The following ALG5 variants were observed in gnomAD, a reference collection of about 807,000 sequenced individuals.
The protein encoded by ALG5 is dolichyl-phosphate beta-glucosyltransferase.
In ALG5, 26 loss-of-function variants were observed where a neutral mutation model predicts 51.8. The ratio of observed to expected loss-of-function variants is 0.50; its 90% CI spans 0.37 to 0.70. The LOEUF (loss-of-function observed/expected upper bound fraction) is 0.70. Among genes scored for constraint, ALG5 ranks in the 30% least tolerant of loss-of-function variants. The pLI, the probability that ALG5 is intolerant of heterozygous loss-of-function variation, is 0.00. For synonymous variants in ALG5, 141 were observed against 136.1 expected, an observed-to-expected ratio of 1.04 and a Z score of -0.25; for missense variants, 311 against 399.3, an observed-to-expected ratio of 0.78 and a Z score of 1.88.
chr13:36,981,725 AC>A (rs1458982817), intron 6 of ALG5, among the ~76,000 whole-genome samples: 1 of 152,252 alleles, frequency 6.6e-6, no homozygotes. Context: ...TAATGTGGAA[AC>A]CAAATCCACA....
Position 36,952,572 on chromosome 13 carries a change from T to C in ALG5, c.801A>G (p.Ile267Met), listed in dbSNP as rs1313872927. The change falls in exon 9 of 10, where the codon ATA (isoleucine) becomes ATG (methionine). Residue 267 changes from isoleucine (I) to methionine (M), a missense_variant. By Grantham distance (10) the Ile-to-Met change is conservative. Transcript: ENST00000239891. Reference sequence around the variant, plus strand: ...CTATTGGAATTTTAAAGAACTGTGCTATGTACAGTAGTTCTACATCAAATG... The same window carrying C: ...CTATTGGAATTTTAAAGAACTGTGCCATGTACAGTAGTTCTACATCAAATG... ...RWAFDVELLY[I>M]AQFFKIPIAE... 2.5e-6 allele frequency: 4 copies of C among 1,592,038 alleles called. No individual in the cohort carries two copies. The highest frequency in any genetic ancestry group is 2.3e-5 in the South Asian group (2 of 86,746).
chr13:36,980,977 A>T (rs1309297091), intron 6 of ALG5, among the ~76,000 whole-genome samples: 1 of 152,080 alleles, frequency 6.6e-6, no homozygotes, highest in African/African-American at 2.4e-5. Flanking sequence ...CTGTCTCAAA[A>T]ATAAAATAAA....
chr13:36,966,041 G>C (rs915771686), intron 7 of ALG5, among the ~76,000 whole-genome samples: 2 of 152,186 alleles, frequency 1.3e-5, no homozygotes, highest in African/African-American at 4.8e-5. Flanking sequence ...AGAACGTCTT[G>C]TTTACTTACA....
chr13:36,994,886 C>T, intron 3 of ALG5, 103 bp downstream of exon 3: 1 of 965,280 alleles, frequency 1.0e-6, no homozygotes, highest in Non-Finnish European at 1.6e-6. Flanking sequence ...GATCGGGGTG[C>T]TGCCAGGACT....
At chr13:36,988,386 T>A (rs1482613660) in intron 5 of ALG5, among the ~76,000 whole-genome samples, 8 of 152,236 alleles carry the variant, frequency 5.3e-5, no homozygotes, top group Non-Finnish European at 5.9e-5. Context: ...GTTTCATATA[T>A]CCTGTGACCC....
intron 8 of ALG5, among the ~76,000 whole-genome samples, chr13:36,958,918 C>T (rs1202864785): frequency 6.6e-6 from 1 of 151,982 alleles, no homozygotes; most frequent in Non-Finnish European, 1.5e-5. Context: ...AGTGGCAACC[C>T]CCTTTGGGTC....
At chr13:36,966,146 G>A (rs2058892460) in intron 7 of ALG5, among the ~76,000 whole-genome samples, 1 of 152,150 alleles carries the variant, frequency 6.6e-6, no homozygotes, top group Non-Finnish European at 1.5e-5. Context: ...ATATAAGCCT[G>A]CAGTTGATAC....
intron 5 of ALG5, among the ~76,000 whole-genome samples, chr13:36,987,098 C>G (rs987037219): frequency 6.6e-6 from 1 of 152,142 alleles, no homozygotes; most frequent in Non-Finnish European, 1.5e-5. Context: ...CTCCTCTTTG[C>G]CAGTTTAATG....
intron 8 of ALG5, among the ~76,000 whole-genome samples, chr13:36,961,100 A>C (rs181141478): frequency 3.9e-4 from 60 of 152,090 alleles, no homozygotes; most frequent in Admixed American, 1.9e-3. Flanking sequence ...ACAGTAGAAA[A>C]CCACAATAAA....
At chr13:36,998,010 A>C (rs2059059403) in intron 1 of ALG5, among the ~76,000 whole-genome samples, 1 of 152,228 alleles carries the variant, frequency 6.6e-6, no homozygotes, top group Non-Finnish European at 1.5e-5. Context: ...TAAAGATTTA[A>C]TAACTCCTAT....
chr13:36,954,652 A>G (rs1407288187), intron 8 of ALG5, among the ~76,000 whole-genome samples: 2 of 152,178 alleles, frequency 1.3e-5, no homozygotes, highest in African/African-American at 4.8e-5. Flanking sequence ...GCCTTATGTT[A>G]TTAGGGGGAA....
intron 5 of ALG5, among the ~76,000 whole-genome samples, chr13:36,987,087 C>A (rs2059005143): frequency 6.6e-6 from 1 of 152,182 alleles, no homozygotes; most frequent in Non-Finnish European, 1.5e-5. Context: ...TTCTCTGTAA[C>A]CTCCTCTTTG....
chr13:36,960,913 AG>A (rs2058863428), intron 8 of ALG5, among the ~76,000 whole-genome samples: 1 of 151,808 alleles, frequency 6.6e-6, no homozygotes, highest in South Asian at 2.1e-4. Context: ...CCAAAGAGCT[AG>A]GATTATAGGT....
rs375006196 is a variant in ALG5 at position 36,989,863 on chromosome 13, A to AAAC, written c.355-290_355-288dup. Among the ~76,000 whole-genome samples the AAAC allele has an allele frequency of 3.0e-3, 464 of 152,296 alleles. 2 individuals are homozygous for AAAC. The highest frequency in any genetic ancestry group is 9.9e-3 in the African/African-American group (413 of 41,564). On this transcript the variant is annotated intron_variant, in intron 4 of 9. Transcript: ENST00000239891. Reference sequence around the variant, plus strand: ...CTAAGCTACTGAGCTGCTAAAAAACAAACAACAACAACAACAAAAAACAAC... The same window carrying AAAC: ...CTAAGCTACTGAGCTGCTAAAAAACAAACAACAACAACAACAACAAAAAACAAC...
chr13:36,995,127 T>C, intron 2 of ALG5, 92 bp from the exon 3 acceptor site: 1 of 1,102,210 alleles, frequency 9.1e-7, no homozygotes, highest in Non-Finnish European at 1.3e-6. Flanking sequence ...GTCCCAATAA[T>C]CTAACAAGCC....
intron 7 of ALG5, among the ~76,000 whole-genome samples, chr13:36,967,196 C>T (rs1221710202): frequency 6.8e-6 from 1 of 148,114 alleles, no homozygotes; most frequent in East Asian, 2.0e-4. Context: ...GTACCCCAGC[C>T]TGGGTGACAG....
In ALG5 at chr13:36,988,124, C is replaced by T. The variant is rs114004405; in HGVS notation, c.447+1360G>A. On this transcript the variant is annotated intron_variant, in intron 5 of 9. Transcript: ENST00000239891. ...CCTTAAAGACCCCGCCGAGAATTTG[C>T]CTCCTCTGGGACATCTGTGCTGCTG... is the stretch of plus-strand genomic sequence containing the variant. Among the ~76,000 whole-genome samples, 545 of 152,274 alleles carry T rather than the reference C, an allele frequency of 3.6e-3. 4 individuals carry two copies. Among genetic ancestry groups the T allele is most frequent in the African/African-American group, 0.012 (511 of 41,538 alleles).
At chr13:36,988,516 G>A (rs2059011857) in intron 5 of ALG5, among the ~76,000 whole-genome samples, 1 of 152,182 alleles carries the variant, frequency 6.6e-6, no homozygotes, top group South Asian at 2.1e-4. Context: ...TATCAGAGAG[G>A]TTAAAAGCAT....
chr13:36,999,061 G>A (rs2059069334), intron 1 of ALG5, 174 bp downstream of exon 1: 3 of 466,772 alleles, frequency 6.4e-6, no homozygotes, highest in Non-Finnish European at 3.6e-6. Context: ...TTAAAGAACC[G>A]AAGAAAAGGA....
Sources: gnomAD v4.1 joint callset for allele counts (sites outside exome capture counted in the v4.1 genomes callset) on GRCh38, gnomAD v4.1.1 for gene constraint, MANE v1.5 for transcripts, NCBI Gene and HGNC (gene_info 2026-07-23, HGNC 2026-07-21) for gene names.